Variants in ZNF529 observed in about 807,000 individuals in gnomAD.
The protein encoded by ZNF529 is zinc finger protein 529.
ZNF529 carries 11 observed loss-of-function variants against 10.1 expected under a neutral mutation model. That is an observed-to-expected ratio of 1.09 (90% CI 0.69 to 1.81). The LOEUF (loss-of-function observed/expected upper bound fraction) is 1.81. ZNF529 is among the 40% of genes most tolerant of loss of function. The pLI is 0.00. For missense variants in ZNF529, 624 were observed against 666.8 expected (o/e 0.94, Z 0.71); for synonymous variants, 204 against 215.7 (o/e 0.95, Z 0.47).
At chr19:36,594,980 G>A (rs1035527787) in intron 1 of ZNF529, among the ~76,000 whole-genome samples, 1 of 151,906 alleles carries the variant, frequency 6.6e-6, no homozygotes. Flanking sequence ...CTGGGTTCAA[G>A]TGATTCTCCC....
At chr19:36,578,291 C>CCTTTTTTTTT (rs2036381116), upstream of ZNF529, among the ~76,000 whole-genome samples, 2 of 31,794 alleles carry the variant, frequency 6.3e-5, 1 homozygote, top group South Asian at 3.5e-3. Flanking sequence ...GTCTTGATCT[C>CCTTTTTTTTT]TTTTTTTTTT....
intron 2 of ZNF529, chr19:36,581,398 T>C (rs1162181003): frequency 6.6e-6 from 1 of 152,164 alleles, no homozygotes; most frequent in East Asian, 1.9e-4. Flanking sequence ...GAGAGGAATG[T>C]TAAGTACTTA....
At chr19:36,573,600 T>G, upstream of ZNF529, 1 of 423,378 alleles carries the variant, frequency 2.4e-6, no homozygotes, top group Non-Finnish European at 5.0e-6. Flanking sequence ...GCGAGGGTGG[T>G]CTTGGGGGAG....
intron 1 of ZNF529, among the ~76,000 whole-genome samples, chr19:36,598,487 G>A (rs947693795): frequency 4.0e-5 from 6 of 151,870 alleles, no homozygotes; most frequent in African/African-American, 1.5e-4. Flanking sequence ...AACCCAGCCT[G>A]GGTGACAGAG....
intron 1 of ZNF529, among the ~76,000 whole-genome samples, chr19:36,604,596 C>CA (rs1333450719): frequency 0.011 from 1 of 92 alleles, no homozygotes; most frequent in Non-Finnish European, 0.028. Context: ...CAGAAGGTCT[C>CA]AGAGTCTTCA....
At chr19:36,594,669 A>G (rs1033507274) in intron 1 of ZNF529, 1 of 152,236 alleles carries the variant, frequency 6.6e-6, no homozygotes, top group African/African-American at 2.4e-5. Flanking sequence ...CAATGCTCTA[A>G]TATGCAGATT....
chr19:36,576,718 AAATAAT>A (rs141522986), upstream of ZNF529, among the ~76,000 whole-genome samples: 260 of 149,906 alleles, frequency 1.7e-3, 2 homozygotes, highest in African/African-American at 5.6e-3. Context: ...CTCCGTCTCA[AAATAAT>A]AATAATAATA....
intron 1 of ZNF529, among the ~76,000 whole-genome samples, chr19:36,599,148 G>A (rs1225916140): frequency 6.6e-6 from 1 of 152,088 alleles, no homozygotes; most frequent in Non-Finnish European, 1.5e-5. Flanking sequence ...TCTGTTATCA[G>A]AAATCATAAA....
At chr19:36,583,128 A>T (rs1600344355) in intron 2 of ZNF529, among the ~76,000 whole-genome samples, 1 of 152,004 alleles carries the variant, frequency 6.6e-6, no homozygotes, top group Non-Finnish European at 1.5e-5. Flanking sequence ...CATGATCATG[A>T]CTCACTACAG....
chr19:36,593,768 A>G (rs924020253), intron 1 of ZNF529: 2 of 152,196 alleles, frequency 1.3e-5, no homozygotes, highest in Non-Finnish European at 2.9e-5. Context: ...TAAGAAGTAG[A>G]GACAAACAGT....
intron 2 of ZNF529, among the ~76,000 whole-genome samples, chr19:36,564,478 C>A (rs1053031723): frequency 6.6e-6 from 1 of 152,178 alleles, no homozygotes; most frequent in African/African-American, 2.4e-5. Flanking sequence ...AAGCAGCCAA[C>A]AAACATACTT....
chr19:36,558,615 AC>A (rs1465021872), intron 2 of ZNF529, among the ~76,000 whole-genome samples: 1 of 152,132 alleles, frequency 6.6e-6, no homozygotes, highest in Non-Finnish European at 1.5e-5. Flanking sequence ...CCCCTACCTC[AC>A]ACCACTTACA....
At chr19:36,600,616 A>AG (rs1256690946) in intron 1 of ZNF529, among the ~76,000 whole-genome samples, 1 of 152,222 alleles carries the variant, frequency 6.6e-6, no homozygotes, top group African/African-American at 2.4e-5. Flanking sequence ...CAGGTGTTAT[A>AG]GATCAGTGGT....
rs1324390786 is a variant in ZNF529, at chr19:36,547,125, T to C, written c.1433A>G (p.Tyr478Cys). 6.2e-7 allele frequency: 1 copy of C among 1,613,946 alleles called. No homozygotes were observed. Among genetic ancestry groups the C allele is most frequent in the Admixed American group, 1.7e-5 (1 of 60,014 alleles). Residue 478 changes from tyrosine (Y) to cysteine (C), a missense_variant, in exon 5 of 5, where the codon TAT (tyrosine) becomes TGT (cysteine). Coordinates refer to ENST00000591340, the MANE Select transcript of ZNF529 (RefSeq NM_020951.5). Reference sequence around the variant, plus strand: ...GGCCTTCCCACATACCTTACATTCATAAGGTTTCTCACCACTATGAATTCT... The same window carrying C: ...GGCCTTCCCACATACCTTACATTCACAAGGTTTCTCACCACTATGAATTCT... ...HQRIHSGEKPYECKVCGKAFR... is the reference protein window; with the variant it reads ...HQRIHSGEKPCECKVCGKAFR...
At chr19:36,598,511 CTT>C (rs1338617584) in intron 1 of ZNF529, among the ~76,000 whole-genome samples, 1 of 148,304 alleles carries the variant, frequency 6.7e-6, no homozygotes, top group Non-Finnish European at 1.5e-5. Context: ...GACCCTGTCT[CTT>C]AAAAAAAAAA....
At chr19:36,604,265 C>A (rs2036981061) in intron 1 of ZNF529, among the ~76,000 whole-genome samples, 1 of 152,172 alleles carries the variant, frequency 6.6e-6, no homozygotes, top group Admixed American at 6.5e-5. Flanking sequence ...GCCTTGGGAG[C>A]AATTCCAGCT....
intron 2 of ZNF529, among the ~76,000 whole-genome samples, chr19:36,568,498 G>A (rs774272304): frequency 1.3e-5 from 2 of 148,504 alleles, no homozygotes; most frequent in Non-Finnish European, 3.0e-5. Context: ...TTTACACAGA[G>A]TCTCACTTTG....
chr19:36,597,926 A>C (rs1165980738), intron 1 of ZNF529, among the ~76,000 whole-genome samples: 1 of 152,232 alleles, frequency 6.6e-6, no homozygotes, highest in Non-Finnish European at 1.5e-5. Context: ...TAAATTATCC[A>C]GATCCTACAT....
chr19:36,550,627 A>G (rs1600248851), intron 4 of ZNF529, among the ~76,000 whole-genome samples: 1 of 152,232 alleles, frequency 6.6e-6, no homozygotes, highest in Non-Finnish European at 1.5e-5. Flanking sequence ...GTAGAGAACC[A>G]TGATGTTGAA....
Sources: gnomAD v4.1 joint callset for allele counts (sites outside exome capture counted in the v4.1 genomes callset) on GRCh38, gnomAD v4.1.1 for gene constraint, MANE v1.5 for transcripts, NCBI Gene and HGNC (gene_info 2026-07-23, HGNC 2026-07-21) for gene names.